Variants in ELMO1 observed in about 807,000 individuals in gnomAD.
ELMO1 encodes engulfment and cell motility 1, also known as engulfment and cell motility protein 1.
Under a neutral mutation model 98.9 loss-of-function variants are expected in ELMO1, and 26 were observed. That is an observed-to-expected ratio of 0.26 (90% CI 0.19 to 0.36). The LOEUF (loss-of-function observed/expected upper bound fraction) is 0.36, where lower values mean the gene tolerates loss of function less well. ELMO1 is among the 10% of genes least tolerant of loss of function. The pLI is 1.00. For synonymous variants in ELMO1, 346 were observed against 346.0 expected, an observed-to-expected ratio of 1.00 and a Z score of 0.00; for missense variants, 627 against 935.2, an observed-to-expected ratio of 0.67 and a Z score of 4.30.
chr7:37,202,472 G>A (rs545143658), intron 13 of ELMO1, among the ~76,000 whole-genome samples: 14 of 152,276 alleles, frequency 9.2e-5, no homozygotes, highest in South Asian at 2.1e-4. Flanking sequence ...CACTGGGATC[G>A]GTGCTGAAAT....
chr7:36,870,616 G>A lies in ELMO1; in HGVS notation c.1823-141C>T. Reference sequence around the variant, plus strand: ...TGCAAAAAGAAGAGTGTTGAAAAGAGGAAGAGAAGCCAGGTAGTGTCCCAG... The same window carrying A: ...TGCAAAAAGAAGAGTGTTGAAAAGAAGAAGAGAAGCCAGGTAGTGTCCCAG... On this transcript the variant is annotated intron_variant, in intron 19 of 21. Coordinates refer to ENST00000310758, the MANE Select transcript of ELMO1 (RefSeq NM_014800.11). This position sits in a 1 kb window ranked among gnomAD's most constrained non-coding sequence, Gnocchi z 4.4. The A allele has an allele frequency of 1.3e-6, 1 of 757,630 alleles. No individual in the cohort carries two copies. Among genetic ancestry groups the A allele is most frequent in the East Asian group, 2.8e-5 (1 of 36,080 alleles). 46.9% of individuals were successfully genotyped at this position (757,630 alleles called of 1,614,324 possible). A position where few individuals can be genotyped will look rare whatever the true frequency, so the allele number is the denominator to read the frequency against.
chr7:37,211,826 G>A (rs567626765), intron 12 of ELMO1, among the ~76,000 whole-genome samples: 3 of 152,192 alleles, frequency 2.0e-5, no homozygotes, highest in East Asian at 3.8e-4. Context: ...TGGAAGGGTC[G>A]TGATTGGAGA....
intron 5 of ELMO1, 25 bp from the exon 6 acceptor site, chr7:37,259,375 G>A (rs1034412620): frequency 6.2e-7 from 1 of 1,603,630 alleles, no homozygotes; most frequent in East Asian, 2.2e-5. Flanking sequence ...GCAAAGGGAA[G>A]AGTGTTGACA....
chr7:37,443,806 A>G (rs944369666), intron 1 of ELMO1, among the ~76,000 whole-genome samples: 5 of 152,248 alleles, frequency 3.3e-5, no homozygotes, highest in African/African-American at 1.2e-4. Context: ...GTGCTGGCAT[A>G]CTGGAAGGCT....
rs1225055448 is a variant in ELMO1, at chr7:36,855,794, T to A, written c.1984-43A>T. 1 of 1,608,040 alleles carries A rather than the reference T, an allele frequency of 6.2e-7. No individual in the cohort carries two copies. Among genetic ancestry groups the A allele is most frequent in the Non-Finnish European group, 8.5e-7 (1 of 1,175,134 alleles). ...AACAGCGATCATTACTGGTGGCAATTACAGAAGTATTAATAGTAAAAATAG... is the reference window on the plus strand; with the variant it reads ...AACAGCGATCATTACTGGTGGCAATAACAGAAGTATTAATAGTAAAAATAG... On this transcript the variant is annotated intron_variant, in intron 21 of 21. Transcript: ENST00000310758. The surrounding 1 kb of genome is among the most constrained non-coding windows in gnomAD (Gnocchi z 4.2).
intron 13 of ELMO1, among the ~76,000 whole-genome samples, chr7:37,187,400 T>C (rs936823650): frequency 4.6e-5 from 7 of 152,138 alleles, no homozygotes; most frequent in Non-Finnish European, 1.0e-4. Flanking sequence ...CCTGTAAACA[T>C]ACTAAAAGCA....
chr7:37,330,577 C>T (rs568208546), intron 2 of ELMO1, among the ~76,000 whole-genome samples: 1 of 152,190 alleles, frequency 6.6e-6, no homozygotes, highest in Non-Finnish European at 1.5e-5. Context: ...GAATATGTTT[C>T]TCTTCATATC....
chr7:36,973,822 C>T lies in ELMO1; in HGVS notation c.1437+39477G>A, dbSNP rs375319183. Among the ~76,000 whole-genome samples, 7 of 152,202 alleles carry T rather than the reference C, an allele frequency of 4.6e-5. No homozygotes were observed. In the East Asian group the frequency reaches 1.4e-3, roughly 29 times the overall value. On this transcript the variant is annotated intron_variant, in intron 16 of 21. Coordinates refer to ENST00000310758, the MANE Select transcript of ELMO1 (RefSeq NM_014800.11). ...GAGTTCCAGATGGGCGTGGTCTTGG[C>T]GGCCCGCACTCGGAGCAGCCGGCCC... is the stretch of plus-strand genomic sequence containing the variant.
At chr7:37,336,584 G>A (rs1161345751) in intron 2 of ELMO1, among the ~76,000 whole-genome samples, 1 of 152,172 alleles carries the variant, frequency 6.6e-6, no homozygotes, top group Non-Finnish European at 1.5e-5. Flanking sequence ...CTAGAAAGAA[G>A]AGGAACCAGG....
chr7:37,345,865 T>A (rs1259306115), intron 1 of ELMO1, among the ~76,000 whole-genome samples: 1 of 149,098 alleles, frequency 6.7e-6, no homozygotes. Context: ...GGTGGGTGCC[T>A]GTAGTCCCAG....
At chr7:37,218,334 A>G (rs1793411937) in intron 10 of ELMO1, among the ~76,000 whole-genome samples, 1 of 152,250 alleles carries the variant, frequency 6.6e-6, no homozygotes, top group Non-Finnish European at 1.5e-5. Flanking sequence ...TATTGTCTGC[A>G]TAAGACTGTG....
intron 14 of ELMO1, among the ~76,000 whole-genome samples, chr7:37,124,235 T>C: frequency 6.6e-6 from 1 of 152,212 alleles, no homozygotes; most frequent in Non-Finnish European, 1.5e-5. Flanking sequence ...AAGACAGGGA[T>C]GCACTCTCTC....
At chr7:37,198,686 C>T (rs939360074) in intron 13 of ELMO1, among the ~76,000 whole-genome samples, 3 of 152,238 alleles carry the variant, frequency 2.0e-5, no homozygotes, top group Admixed American at 6.5e-5. Context: ...GCCCTTGGTT[C>T]CCTATGTGTC....
intron 15 of ELMO1, among the ~76,000 whole-genome samples, chr7:37,071,964 G>A (rs1797295939): frequency 6.6e-6 from 1 of 152,094 alleles, no homozygotes; most frequent in South Asian, 2.1e-4. Flanking sequence ...GTTCAGGAGA[G>A]CTCTTCAGCT....
intron 16 of ELMO1, among the ~76,000 whole-genome samples, chr7:36,899,733 G>A (rs374721397): frequency 2.3e-3 from 271 of 117,754 alleles, no homozygotes; most frequent in Middle Eastern, 6.9e-3. Flanking sequence ...TAATCATTTA[G>A]AATTCAAAAA....
intron 15 of ELMO1, among the ~76,000 whole-genome samples, chr7:37,032,472 G>A (rs998095577): frequency 9.2e-5 from 14 of 152,176 alleles, no homozygotes; most frequent in African/African-American, 1.7e-4. Flanking sequence ...AGGGATGCTC[G>A]AAGGACATAA....
At chr7:37,079,352 C>G (rs1797741800) in intron 15 of ELMO1, among the ~76,000 whole-genome samples, 2 of 152,176 alleles carry the variant, frequency 1.3e-5, no homozygotes, top group Admixed American at 1.3e-4. Flanking sequence ...CAATGTCTAA[C>G]TTGTTGATTA....
chr7:37,216,458 A>G (rs1022141482), intron 11 of ELMO1, among the ~76,000 whole-genome samples, 187 bp downstream of exon 11: 3 of 152,070 alleles, frequency 2.0e-5, no homozygotes, highest in East Asian at 1.9e-4. Context: ...CAATGAGGCA[A>G]TTCCTGTGGG....
intron 4 of ELMO1, among the ~76,000 whole-genome samples, chr7:37,305,377 C>T (rs1217469376): frequency 6.6e-6 from 1 of 152,118 alleles, no homozygotes; most frequent in Admixed American, 6.5e-5. Flanking sequence ...AGGGACCAGA[C>T]GGTCTCTGTT....
Sources: gnomAD v4.1 joint callset for allele counts (sites outside exome capture counted in the v4.1 genomes callset) on GRCh38, gnomAD v4.1.1 for gene constraint, Gnocchi (gnomAD v3.1) non-coding constraint, MANE v1.5 for transcripts, NCBI Gene and HGNC (gene_info 2026-07-23, HGNC 2026-07-21) for gene names.